The following ADGB variants were observed in gnomAD, a reference collection of about 807,000 sequenced individuals.
ADGB encodes the protein calpain-7-like protein.
A neutral mutation model predicts 210.5 loss-of-function variants in ADGB; 172 were observed. The ratio of observed to expected loss-of-function variants is 0.82; its 90% CI spans 0.72 to 0.93. ADGB has a LOEUF of 0.93. Ranked by LOEUF, ADGB falls within the 40% of genes least tolerant of loss-of-function variation. The pLI, the probability that ADGB is intolerant of heterozygous loss-of-function variation, is 0.00. For synonymous variants in ADGB, 658 were observed against 662.7 expected (o/e 0.99, Z 0.11); for missense variants, 2,025 against 1,964.8 (o/e 1.03, Z -0.58).
At chr6:146,705,513 T>C (rs1776557167) in intron 13 of ADGB, among the ~76,000 whole-genome samples, 5 of 152,138 alleles carry the variant, frequency 3.3e-5, no homozygotes, top group Admixed American at 3.3e-4. Context: ...TGAAATGCTG[T>C]TTTTCCATCT....
intron 33 of ADGB, among the ~76,000 whole-genome samples, chr6:146,792,694 G>A (rs538574933): frequency 1.6e-4 from 25 of 152,132 alleles, no homozygotes; most frequent in Middle Eastern, 3.4e-3. Context: ...AGTTGTGAAC[G>A]GGTATACTTT....
chr6:146,790,689 C>A (rs1038485010), intron 33 of ADGB, among the ~76,000 whole-genome samples: 6 of 152,136 alleles, frequency 3.9e-5, no homozygotes, highest in African/African-American at 1.4e-4. Flanking sequence ...TATTTTAATT[C>A]CTTTGGATAT....
chr6:146,713,023 G>A (rs932989558), intron 13 of ADGB, among the ~76,000 whole-genome samples: 2 of 151,234 alleles, frequency 1.3e-5, no homozygotes, highest in Non-Finnish European at 2.9e-5. Flanking sequence ...TTTTGTGATT[G>A]ACTTATTTCA....
chr6:146,661,025 T>C (rs953731546), intron 5 of ADGB, among the ~76,000 whole-genome samples: 2 of 152,104 alleles, frequency 1.3e-5, no homozygotes, highest in African/African-American at 4.8e-5. Flanking sequence ...TTGATTGACC[T>C]ATAGTGCTTT....
At chr6:146,792,416 C>T (rs181921829) in intron 33 of ADGB, among the ~76,000 whole-genome samples, 5 of 152,274 alleles carry the variant, frequency 3.3e-5, no homozygotes, top group Admixed American at 3.3e-4. Flanking sequence ...TTCTCCAAGG[C>T]TGCACCAACC....
intron 33 of ADGB, among the ~76,000 whole-genome samples, chr6:146,794,539 T>C (rs1286681748): frequency 1.3e-5 from 2 of 152,162 alleles, no homozygotes; most frequent in Non-Finnish European, 2.9e-5. Flanking sequence ...GAATGAGTTA[T>C]AACTTCTAAC....
intron 1 of ADGB, among the ~76,000 whole-genome samples, chr6:146,618,082 T>C (rs1472027603): frequency 3.9e-5 from 6 of 151,948 alleles, no homozygotes; most frequent in Non-Finnish European, 8.8e-5. Flanking sequence ...ATTTAGAAAA[T>C]CATAAAGAAG....
intron 4 of ADGB, among the ~76,000 whole-genome samples, chr6:146,654,548 G>A (rs1425445753): frequency 2.0e-5 from 3 of 151,836 alleles, no homozygotes; most frequent in African/African-American, 7.3e-5. Context: ...AGACGAGATC[G>A]CACCACATTG....
intron 27 of ADGB, among the ~76,000 whole-genome samples, chr6:146,761,376 T>G (rs1777489420): frequency 6.6e-6 from 1 of 152,040 alleles, no homozygotes; most frequent in Admixed American, 6.6e-5. Context: ...TACCTTGACA[T>G]TTTAGTCAAA....
At chr6:146,725,807 A>G (rs531382934) in intron 18 of ADGB, 190 of 265,000 alleles carry the variant, frequency 7.2e-4, no homozygotes, top group African/African-American at 3.9e-3. Context: ...CCATGACTGC[A>G]GTGTGTGGGA....
intron 28 of ADGB, among the ~76,000 whole-genome samples, chr6:146,766,708 AAAAC>A (rs1183092897): frequency 3.3e-5 from 5 of 152,270 alleles, no homozygotes; most frequent in African/African-American, 9.6e-5. Flanking sequence ...TTTCTTACGG[AAAAC>A]AAACAATATA....
intron 29 of ADGB, among the ~76,000 whole-genome samples, chr6:146,774,992 C>T (rs934756698): frequency 1.3e-5 from 2 of 152,058 alleles, no homozygotes; most frequent in Admixed American, 6.5e-5. Context: ...AGGCTGATCT[C>T]AAATTCCTAG....
intron 6 of ADGB, 96 bp downstream of exon 6, chr6:146,664,436 T>G: frequency 7.8e-7 from 1 of 1,276,832 alleles, no homozygotes; most frequent in Non-Finnish European, 1.0e-6. Context: ...TAAAATTAGC[T>G]AAAAGACAGC....
intron 14 of ADGB, 118 bp downstream of exon 14, chr6:146,715,533 G>C (rs1267546727): frequency 3.8e-5 from 23 of 611,940 alleles, no homozygotes; most frequent in Non-Finnish European, 6.3e-5. Flanking sequence ...TGTCTCCTTT[G>C]ATTTGCTGAG....
Position 146,764,242 on chromosome 6 carries a change from A to G in ADGB, c.3750+142A>G, listed in dbSNP as rs1251362637. On this transcript the variant is annotated intron_variant, in intron 28 of 35. Coordinates refer to ENST00000397944, the MANE Select transcript of ADGB (RefSeq NM_024694.4). ...GAATTGGAGAATAAGAGAGTCTTGA[A>G]CAGTTTCTCTGTGCCAAGATCTTTA... The G allele has an allele frequency of 4.6e-5, 31 of 670,848 alleles. No individual in the cohort carries two copies. In the South Asian group the frequency reaches 8.0e-4, roughly 17 times the overall value. The allele number at this position is 670,848 out of a possible 1,614,324, so 41.6% of individuals were successfully genotyped here. A position where few individuals can be genotyped will look rare whatever the true frequency, so the allele number is the denominator to read the frequency against.
intron 1 of ADGB, among the ~76,000 whole-genome samples, chr6:146,607,827 A>G (rs888762329): frequency 2.0e-5 from 3 of 152,134 alleles, no homozygotes; most frequent in Non-Finnish European, 2.9e-5. Context: ...CTCTGTGTCC[A>G]TCAAGTGCAT....
In ADGB at chr6:146,692,816, A is replaced by G. The variant is rs1776349130; in HGVS notation, c.1487-9A>G. ...ATGTACATCATACTTTCTAACTGCT[A>G]CTTTTTAGAGTTAATAGTAAAGAAG... is the stretch of plus-strand genomic sequence containing the variant. On this transcript the variant is annotated splice_polypyrimidine_tract_variant and intron_variant, in intron 11 of 35. Transcript: ENST00000397944. 1 of 1,462,936 alleles carries G rather than the reference A, an allele frequency of 6.8e-7. No homozygotes were observed. Among genetic ancestry groups the G allele is most frequent in the Non-Finnish European group, 9.2e-7 (1 of 1,084,442 alleles). The allele number at this position is 1,462,936 out of a possible 1,614,324, so 90.6% of individuals were successfully genotyped here. A position where few individuals can be genotyped will look rare whatever the true frequency, so the allele number is the denominator to read the frequency against.
chr6:146,733,884 C>A lies in ADGB; in HGVS notation c.2657-9C>A. 6.4e-7 allele frequency: 1 copy of A among 1,551,210 alleles called. No homozygotes were observed. On this transcript the variant is annotated splice_polypyrimidine_tract_variant and intron_variant, in intron 21 of 35. Coordinates refer to ENST00000397944, the MANE Select transcript of ADGB (RefSeq NM_024694.4). ...ACTTTCAGTCCAAAGTTTGTTTTTC[C>A]CTTTCCAGTGGAATGGCTGGACGTT...
At chr6:146,796,256 A>C (rs1778038971) in intron 33 of ADGB, among the ~76,000 whole-genome samples, 1 of 152,222 alleles carries the variant, frequency 6.6e-6, no homozygotes, top group Non-Finnish European at 1.5e-5. Flanking sequence ...ATATTGTCAA[A>C]ATGACCATAC....
Sources: allele counts gnomAD v4.1 joint callset (sites outside exome capture counted in the v4.1 genomes callset), GRCh38; gene constraint gnomAD v4.1.1; transcripts MANE v1.5; gene names NCBI Gene and HGNC (gene_info 2026-07-23, HGNC 2026-07-21).